Variants in CHRM3 observed in about 807,000 individuals in gnomAD.
CHRM3 encodes the protein cholinergic receptor muscarinic 3.
Under a neutral mutation model 41.8 loss-of-function variants are expected in CHRM3, and 11 were observed. The ratio of observed to expected loss-of-function variants is 0.26; its 90% CI spans 0.17 to 0.44. CHRM3 has a LOEUF of 0.44. CHRM3 is among the 20% of genes least tolerant of loss of function. CHRM3 has a pLI of 1.00. For missense variants in CHRM3, 571 were observed against 745.4 expected (o/e 0.77, Z 2.72); for synonymous variants, 297 against 301.4 (o/e 0.99, Z 0.15).
At chr1:239,657,347 A>G (rs1050536450) in intron 4 of CHRM3, among the ~76,000 whole-genome samples, 2 of 152,178 alleles carry the variant, frequency 1.3e-5, no homozygotes, top group Admixed American at 6.5e-5. Context: ...CAATATTCTT[A>G]ATACTATTTC....
At chr1:239,903,284 CA>C (rs1305145472) in intron 6 of CHRM3, among the ~76,000 whole-genome samples, 1 of 152,124 alleles carries the variant, frequency 6.6e-6, no homozygotes, top group Non-Finnish European at 1.5e-5. Context: ...GTCAACTGAG[CA>C]AATTAAATTG....
chr1:239,674,169 C>T (rs1002736420), intron 4 of CHRM3, among the ~76,000 whole-genome samples: 1 of 151,958 alleles, frequency 6.6e-6, no homozygotes, highest in Admixed American at 6.6e-5. Flanking sequence ...ATTTTTTTGA[C>T]TTTAAATTAT....
intron 5 of CHRM3, among the ~76,000 whole-genome samples, chr1:239,723,591 T>G (rs910096801): frequency 6.6e-6 from 1 of 151,952 alleles, no homozygotes; most frequent in Non-Finnish European, 1.5e-5. Context: ...CTGCCATATA[T>G]CGAAAAATTC....
chr1:239,419,422 C>A (rs1489916673), intron 1 of CHRM3, among the ~76,000 whole-genome samples: 1 of 145,170 alleles, frequency 6.9e-6, no homozygotes, highest in Non-Finnish European at 1.5e-5. Flanking sequence ...GAATGTGTTA[C>A]AGTTTTCTTA....
intron 4 of CHRM3, among the ~76,000 whole-genome samples, chr1:239,654,094 TGG>T (rs765347532): frequency 1.3e-5 from 2 of 152,192 alleles, no homozygotes; most frequent in Non-Finnish European, 2.9e-5. Context: ...CTTGAGTAGC[TGG>T]GACCACAGAT....
At chr1:239,415,823 A>T (rs184939341) in intron 1 of CHRM3, among the ~76,000 whole-genome samples, 172 of 152,328 alleles carry the variant, frequency 1.1e-3, no homozygotes, top group Non-Finnish European at 3.4e-4. Flanking sequence ...GGCACTGAGG[A>T]TAATGTTCTC....
At chr1:239,850,507 T>C (rs953223231) in intron 6 of CHRM3, among the ~76,000 whole-genome samples, 1 of 152,162 alleles carries the variant, frequency 6.6e-6, no homozygotes, top group Non-Finnish European at 1.5e-5. Context: ...AAAGGTCAAC[T>C]GTATGCTCTT....
chr1:239,810,054 G>T (rs755921980), intron 5 of CHRM3, among the ~76,000 whole-genome samples: 1 of 152,178 alleles, frequency 6.6e-6, no homozygotes, highest in Non-Finnish European at 1.5e-5. Flanking sequence ...AGGAGGCCGC[G>T]TATGGAATGC....
intron 5 of CHRM3, among the ~76,000 whole-genome samples, chr1:239,777,829 T>C (rs1668216062): frequency 6.6e-6 from 1 of 152,164 alleles, no homozygotes; most frequent in African/African-American, 2.4e-5. Flanking sequence ...ATCCTTCAAA[T>C]AGTTACAGGG....
At chr1:239,542,665 G>T (rs114420875) in intron 2 of CHRM3, among the ~76,000 whole-genome samples, 1 of 152,104 alleles carries the variant, frequency 6.6e-6, no homozygotes, top group Non-Finnish European at 1.5e-5. Flanking sequence ...ATCAGAGTTG[G>T]TGTTTAGAGC....
At chr1:239,816,509 GA>G (rs1671596234) in intron 5 of CHRM3, among the ~76,000 whole-genome samples, 1 of 152,060 alleles carries the variant, frequency 6.6e-6, no homozygotes, top group Non-Finnish European at 1.5e-5. Context: ...AAGAGGGAGG[GA>G]ATCAATCCCA....
At chr1:239,847,286 A>G (rs1674346441) in intron 6 of CHRM3, among the ~76,000 whole-genome samples, 1 of 152,220 alleles carries the variant, frequency 6.6e-6, no homozygotes, top group Non-Finnish European at 1.5e-5. Flanking sequence ...TTACGTGCAC[A>G]GCTGAAAATA....
intron 1 of CHRM3, among the ~76,000 whole-genome samples, chr1:239,474,456 G>T (rs2147960336): frequency 6.6e-6 from 1 of 152,100 alleles, no homozygotes; most frequent in South Asian, 2.1e-4. Flanking sequence ...TTGATTATTG[G>T]TGTAGATGCG....
chr1:239,631,208 G>T (rs989009971), intron 3 of CHRM3, among the ~76,000 whole-genome samples: 4 of 152,132 alleles, frequency 2.6e-5, no homozygotes, highest in Admixed American at 6.6e-5. Flanking sequence ...ATTTTAAATT[G>T]TTAATTACAT....
At chr1:239,532,211 C>G (rs1279246112) in intron 2 of CHRM3, among the ~76,000 whole-genome samples, 5 of 147,286 alleles carry the variant, frequency 3.4e-5, no homozygotes, top group African/African-American at 7.4e-5. Flanking sequence ...CAGGGTTTCA[C>G]CATGTTAGCC....
chr1:239,882,964 C>G (rs1327925079), intron 6 of CHRM3, among the ~76,000 whole-genome samples: 2 of 152,218 alleles, frequency 1.3e-5, no homozygotes, highest in Admixed American at 1.3e-4. Context: ...AGAAAGGCAT[C>G]TCTTCAAGAT....
chr1:239,690,349 A>G (rs1659596147), intron 5 of CHRM3, among the ~76,000 whole-genome samples: 1 of 152,068 alleles, frequency 6.6e-6, no homozygotes, highest in African/African-American at 2.4e-5. Flanking sequence ...TATCCCGAGT[A>G]GCTGGGGCTA....
chr1:239,457,258 AGT>A (rs940412971), intron 1 of CHRM3, among the ~76,000 whole-genome samples: 32 of 152,306 alleles, frequency 2.1e-4, no homozygotes, highest in African/African-American at 7.7e-4. Context: ...AAGGGCTGAA[AGT>A]GAGGATTTAA....
At position 239,908,400 on chromosome 1, in the gene CHRM3, A is replaced by G. The variant is rs1680134764; in HGVS notation, c.949A>G (p.Thr317Ala). The G allele has an allele frequency of 6.2e-7, 1 of 1,613,914 alleles. No homozygotes were observed. ...TGGCCGCTGCCACTTCTGGTTCACA[A>G]CCAAGAGCTGGAAACCCAGCTCCGA... is the stretch of plus-strand genomic sequence containing the variant. ...KYGRCHFWFT[T>A]KSWKPSSEQM... is the part of the protein sequence containing the mutation. The change falls in exon 7 of 7, where the codon ACC becomes GCC. Residue 317 changes from threonine to alanine, a missense_variant. This residue lies in a region of CHRM3 where 239 missense variants were observed against 239.6 expected (regional missense o/e 1.00). Coordinates refer to ENST00000676153, the MANE Select transcript of CHRM3 (RefSeq NM_001375978.1). This position sits in a 1 kb window ranked among gnomAD's most constrained non-coding sequence, Gnocchi z 7.2.
Sources: allele counts gnomAD v4.1 joint callset (sites outside exome capture counted in the v4.1 genomes callset), GRCh38; gene constraint gnomAD v4.1.1; regional missense constraint gnomAD v4.1.1; non-coding constraint Gnocchi (gnomAD v3.1); transcripts MANE v1.5; gene names NCBI Gene and HGNC (gene_info 2026-07-23, HGNC 2026-07-21).